The following MUCL1 variants were observed in gnomAD, a reference collection of about 807,000 sequenced individuals.
MUCL1 encodes mucin like 1.
A neutral mutation model predicts 9.2 loss-of-function variants in MUCL1; 11 were observed. That is an observed-to-expected ratio of 1.19 (90% CI 0.75 to 1.97). MUCL1 has a LOEUF of 1.97. MUCL1 is among the 30% of genes most tolerant of loss of function. The pLI is 0.00. For synonymous variants in MUCL1, 48 were observed against 40.5 expected (o/e 1.19, Z -0.71); for missense variants, 144 against 110.9 (o/e 1.30, Z -1.34).
At chr12:54,850,271 T>C (rs925985280), upstream of MUCL1, among the ~76,000 whole-genome samples, 2 of 151,858 alleles carry the variant, frequency 1.3e-5, no homozygotes, top group Non-Finnish European at 2.9e-5. Flanking sequence ...TAACTCGTCA[T>C]TTACATTAGG....
intron 1 of MUCL1, among the ~76,000 whole-genome samples, chr12:54,832,074 A>G (rs1236521326): frequency 6.6e-6 from 1 of 152,124 alleles, no homozygotes; most frequent in Non-Finnish European, 1.5e-5. Context: ...ATTTTATCCT[A>G]AAGTTAGATG....
upstream of MUCL1, among the ~76,000 whole-genome samples, chr12:54,854,313 A>T (rs531635635): frequency 6.6e-6 from 1 of 152,186 alleles, no homozygotes; most frequent in Non-Finnish European, 1.5e-5. Flanking sequence ...CATATTTAAC[A>T]TGAGAGACTC....
At chr12:54,847,395 C>T (rs539214248) in intron 1 of MUCL1, among the ~76,000 whole-genome samples, 2 of 152,126 alleles carry the variant, frequency 1.3e-5, no homozygotes, top group South Asian at 2.1e-4. Flanking sequence ...GCAGGTGGAT[C>T]GTCTGAGGTC....
rs1868288595 is a variant in MUCL1 at position 54,855,015 on chromosome 12, C to T, written c.59-101C>T. ...AACTGGTACACCAAGGACTGAGGGTCTTCCATTGTAAAGTCTGGAATATTG... is the reference window on the plus strand; with the variant it reads ...AACTGGTACACCAAGGACTGAGGGTTTTCCATTGTAAAGTCTGGAATATTG... On this transcript the variant is annotated intron_variant, in intron 1 of 3. Transcript: ENST00000308796. 12 of 966,760 alleles carry T rather than the reference C, an allele frequency of 1.2e-5. No homozygotes were observed. The South Asian group carries it at 1.7e-4, about 14-fold the overall frequency. The allele number at this position is 966,760 out of a possible 1,614,324, so 59.9% of individuals were successfully genotyped here.
exon 1 of MUCL1, chr12:54,839,406 T>C (rs1052304554): frequency 5.7e-6 from 4 of 701,958 alleles, no homozygotes; most frequent in African/African-American, 3.5e-5. Context: ...CTGGCCAGTA[T>C]GGGAGGTGAC....
chr12:54,838,628 AT>A (rs577991696), upstream of MUCL1, among the ~76,000 whole-genome samples: 14 of 150,748 alleles, frequency 9.3e-5, no homozygotes, highest in South Asian at 2.1e-4. Context: ...CATTTCTTTT[AT>A]TTTTTTTCTT....
chr12:54,834,791 G>C (rs1413157130), upstream of MUCL1, among the ~76,000 whole-genome samples: 1 of 151,760 alleles, frequency 6.6e-6, no homozygotes, highest in Non-Finnish European at 1.5e-5. Context: ...GTGGTTTTTG[G>C]TTATATGGAT....
intron 1 of MUCL1, among the ~76,000 whole-genome samples, chr12:54,845,573 T>G (rs1278829198): frequency 6.6e-6 from 1 of 152,068 alleles, no homozygotes; most frequent in Non-Finnish European, 1.5e-5. Context: ...TGCTTGTGGT[T>G]GACTTTTTTG....
intron 2 of MUCL1, 121 bp downstream of exon 2, chr12:54,855,278 C>T: frequency 1.2e-6 from 1 of 810,434 alleles, no homozygotes; most frequent in Non-Finnish European, 2.1e-6. Flanking sequence ...AAGCAAAAGT[C>T]TGTGAAAGCT....
chr12:54,834,057 A>T (rs537339016), intron 1 of MUCL1, among the ~76,000 whole-genome samples: 2 of 152,178 alleles, frequency 1.3e-5, no homozygotes, highest in South Asian at 2.1e-4. Context: ...AGTGATTTGG[A>T]TGTAAGAGCT....
chr12:54,846,195 C>T (rs1055355881), intron 1 of MUCL1, among the ~76,000 whole-genome samples: 7 of 152,178 alleles, frequency 4.6e-5, no homozygotes, highest in Admixed American at 3.9e-4. Context: ...TTAACACAAG[C>T]CGTCTGCAGA....
chr12:54,834,413 T>C (rs928912420), upstream of MUCL1, among the ~76,000 whole-genome samples: 14 of 152,106 alleles, frequency 9.2e-5, no homozygotes, highest in Admixed American at 2.0e-4. Context: ...CTTTTCATCG[T>C]CTAATTGTAA....
intron 1 of MUCL1, among the ~76,000 whole-genome samples, chr12:54,842,659 C>T: frequency 6.6e-6 from 1 of 152,092 alleles, no homozygotes; most frequent in East Asian, 1.9e-4. Context: ...TATCTTTTGA[C>T]CAACATCTTA....
At chr12:54,857,301 A>T (rs1452895908) in intron 3 of MUCL1, among the ~76,000 whole-genome samples, 2 of 151,404 alleles carry the variant, frequency 1.3e-5, no homozygotes, top group Non-Finnish European at 2.9e-5. Flanking sequence ...TCAGGTAATC[A>T]AGTAAAATCT....
chr12:54,839,499 G>A (rs531360122), intron 1 of MUCL1: 331 of 700,876 alleles, frequency 4.7e-4, no homozygotes, highest in Non-Finnish European at 7.9e-4. Flanking sequence ...CTTGACAGAG[G>A]CAGCTGGGGG....
At chr12:54,840,814 A>ATTTG (rs1162728341) in intron 1 of MUCL1, among the ~76,000 whole-genome samples, 1 of 152,154 alleles carries the variant, frequency 6.6e-6, no homozygotes, top group Non-Finnish European at 1.5e-5. Flanking sequence ...AGCAGGTGGC[A>ATTTG]GTAAACCCCA....
upstream of MUCL1, among the ~76,000 whole-genome samples, chr12:54,838,367 C>T (rs963126972): frequency 6.6e-6 from 1 of 152,180 alleles, no homozygotes; most frequent in African/African-American, 2.4e-5. Context: ...AGAATATCTT[C>T]CTTCACATTG....
At chr12:54,852,813 G>A (rs1385033738), upstream of MUCL1, among the ~76,000 whole-genome samples, 3 of 152,116 alleles carry the variant, frequency 2.0e-5, no homozygotes, top group Non-Finnish European at 4.4e-5. Flanking sequence ...TAATCAGATA[G>A]TATCTGTCTT....
chr12:54,831,508 G>A lies in MUCL1; in HGVS notation n.357+633G>A, dbSNP rs147227987. Among the ~76,000 whole-genome samples the A allele has an allele frequency of 5.6e-3, 852 of 151,860 alleles. 7 individuals are homozygous for A. The highest frequency in any genetic ancestry group is 0.02 in the African/African-American group (817 of 41,440). ...CATATAAGGTTAAAATAGTTAAGGG[G>A]GAAATAACTTGAGATGATGACTAAC... is the stretch of plus-strand genomic sequence containing the variant. On this transcript the variant is annotated intron_variant and non_coding_transcript_variant, in intron 1 of 3. Coordinates refer to the MUCL1 transcript ENST00000547990.
Sources: gnomAD v4.1 joint callset for allele counts (sites outside exome capture counted in the v4.1 genomes callset) on GRCh38, gnomAD v4.1.1 for gene constraint, MANE v1.5 for transcripts, NCBI Gene and HGNC (gene_info 2026-07-23, HGNC 2026-07-21) for gene names.